The following NALF1 variants were observed in gnomAD, a reference collection of about 807,000 sequenced individuals.
The protein encoded by NALF1 is family with sequence similarity 155 member A.
Under a neutral mutation model 48.4 loss-of-function variants are expected in NALF1, and 3 were observed. That is an observed-to-expected ratio of 0.06 (90% CI 0.03 to 0.16). The LOEUF (loss-of-function observed/expected upper bound fraction) is 0.16. NALF1 is among the 10% of genes least tolerant of loss of function. NALF1 has a pLI of 1.00. For missense variants in NALF1, 526 were observed against 571.5 expected, an observed-to-expected ratio of 0.92 and a Z score of 0.81; for synonymous variants, 262 against 245.7, an observed-to-expected ratio of 1.07 and a Z score of -0.62.
chr13:107,455,134 C>T (rs757910362), intron 1 of NALF1, among the ~76,000 whole-genome samples: 2 of 152,256 alleles, frequency 1.3e-5, no homozygotes, highest in Middle Eastern at 6.8e-3. Flanking sequence ...GCATATCTCT[C>T]TCACCTGCTG....
chr13:107,598,716 T>C (rs187184246), intron 1 of NALF1, among the ~76,000 whole-genome samples: 24 of 152,316 alleles, frequency 1.6e-4, no homozygotes, highest in Non-Finnish European at 1.2e-4. Flanking sequence ...TTTCTTCGTG[T>C]CATTTCATGG....
At position 107,760,018 on chromosome 13, in the gene NALF1, C is replaced by CA. The variant is rs765664693; in HGVS notation, c.915+105663dup. Among the ~76,000 whole-genome samples the CA allele has an allele frequency of 1.3e-4, 20 of 152,072 alleles. 1 individual carries two copies. The South Asian group carries it at 3.9e-3, about 30-fold the overall frequency. On this transcript the variant is annotated intron_variant, in intron 1 of 2. Transcript: ENST00000375915. ...ATAATCTGTAATTCTACCAAAATAC[C>CA]AAATTAGTTTTCATTCCAATATACA...
intron 1 of NALF1, among the ~76,000 whole-genome samples, chr13:107,359,057 C>A (rs1316474451): frequency 6.6e-6 from 1 of 152,112 alleles, no homozygotes; most frequent in Non-Finnish European, 1.5e-5. Flanking sequence ...TCATTCCAGG[C>A]CAGCTGGTCC....
At position 107,170,270 on chromosome 13, in the gene NALF1, G is replaced by A; in HGVS notation, c.*227C>T. 1 of 464,414 alleles carries A rather than the reference G, an allele frequency of 2.2e-6. No individual in the cohort carries two copies. Among genetic ancestry groups the A allele is most frequent in the Non-Finnish European group, 3.8e-6 (1 of 262,694 alleles). The allele number at this position is 464,414 out of a possible 1,614,324, so 28.8% of individuals were successfully genotyped here. On this transcript the variant is annotated 3_prime_UTR_variant, in exon 3 of 3. Transcript: ENST00000375915. ...TAAAACCTCCAAACATTAAAACACA[G>A]TGTATAAAATGGTGTGAGAAATTTA...
At chr13:107,534,159 C>T (rs1566381591) in intron 1 of NALF1, among the ~76,000 whole-genome samples, 1 of 152,046 alleles carries the variant, frequency 6.6e-6, no homozygotes, top group Non-Finnish European at 1.5e-5. Flanking sequence ...CTCCCCAGAC[C>T]TATGAAATCA....
intron 1 of NALF1, among the ~76,000 whole-genome samples, chr13:107,412,559 T>C (rs982738258): frequency 6.6e-6 from 1 of 152,190 alleles, no homozygotes. Flanking sequence ...TCATGAAGAA[T>C]GATAGTAGTA....
chr13:107,234,740 A>G (rs924127923), intron 1 of NALF1, among the ~76,000 whole-genome samples: 5 of 152,232 alleles, frequency 3.3e-5, no homozygotes, highest in African/African-American at 1.2e-4. Context: ...CAAAAAACCA[A>G]GAGCATTTTC....
intron 1 of NALF1, among the ~76,000 whole-genome samples, chr13:107,522,144 A>G (rs967121167): frequency 2.6e-5 from 4 of 152,180 alleles, no homozygotes; most frequent in Admixed American, 6.5e-5. Flanking sequence ...ATTGAAGGAG[A>G]AAATAATGGA....
At chr13:107,840,008 G>C (rs1880001507) in intron 1 of NALF1, among the ~76,000 whole-genome samples, 1 of 152,156 alleles carries the variant, frequency 6.6e-6, no homozygotes, top group South Asian at 2.1e-4. Flanking sequence ...TCTACAAGTT[G>C]ATCCTATACA....
intron 1 of NALF1, among the ~76,000 whole-genome samples, chr13:107,561,266 T>C (rs894241459): frequency 3.3e-5 from 5 of 152,210 alleles, no homozygotes; most frequent in Admixed American, 2.6e-4. Context: ...CAGGCTCACA[T>C]GTTGTACTTA....
intron 1 of NALF1, among the ~76,000 whole-genome samples, chr13:107,739,191 A>G (rs1260757602): frequency 6.6e-6 from 1 of 152,016 alleles, no homozygotes; most frequent in African/African-American, 2.4e-5. Flanking sequence ...GAGAGCATCG[A>G]GACAAATATC....
chr13:107,724,026 C>A (rs1222208355), intron 1 of NALF1, among the ~76,000 whole-genome samples: 1 of 152,032 alleles, frequency 6.6e-6, no homozygotes, highest in African/African-American at 2.4e-5. Flanking sequence ...ATAAGGGATT[C>A]ATCTTTTCAC....
chr13:107,423,519 A>C (rs1194417571), intron 1 of NALF1, among the ~76,000 whole-genome samples: 1 of 152,176 alleles, frequency 6.6e-6, no homozygotes, highest in Non-Finnish European at 1.5e-5. Context: ...TCCCAAAAGA[A>C]GCCTTCCTTA....
At chr13:107,755,476 T>G (rs1378692666) in intron 1 of NALF1, among the ~76,000 whole-genome samples, 1 of 151,704 alleles carries the variant, frequency 6.6e-6, no homozygotes, top group Non-Finnish European at 1.5e-5. Flanking sequence ...CAAAATGTCT[T>G]TTTCATGAGT....
chr13:107,552,261 T>C (rs776054374), intron 1 of NALF1, among the ~76,000 whole-genome samples: 5 of 152,184 alleles, frequency 3.3e-5, no homozygotes, highest in Admixed American at 6.5e-5. Context: ...CCCAGGTCAT[T>C]GCCTGCTACA....
intron 2 of NALF1, among the ~76,000 whole-genome samples, chr13:107,192,306 G>A (rs1879300263): frequency 1.3e-5 from 2 of 152,182 alleles, no homozygotes; most frequent in Admixed American, 1.3e-4. Flanking sequence ...AACATGCACT[G>A]ACACACAGAT....
chr13:107,814,954 A>G (rs1350974313), intron 1 of NALF1, among the ~76,000 whole-genome samples: 1 of 152,134 alleles, frequency 6.6e-6, no homozygotes, highest in African/African-American at 2.4e-5. Flanking sequence ...TAAATATAAA[A>G]TGTTGGAAGT....
rs553943909 is a variant in NALF1, at chr13:107,169,788, G to T, written c.*709C>A. On this transcript the variant is annotated 3_prime_UTR_variant, in exon 3 of 3. Coordinates refer to ENST00000375915, the MANE Select transcript of NALF1 (RefSeq NM_001080396.3). ...CTCTGTTTCTGGTTTGTGCAACAGG[G>T]GCTCAGAGGCCCACCAAGCGTGCAC... The T allele has an allele frequency of 2.0e-5, 3 of 152,716 alleles. No individual in the cohort carries two copies. Among genetic ancestry groups the T allele is most frequent in the East Asian group, 3.9e-4 (2 of 5,162 alleles). The allele number at this position is 152,716 out of a possible 1,614,324, so 9.5% of individuals were successfully genotyped here. A position where few individuals can be genotyped will look rare whatever the true frequency, so the allele number is the denominator to read the frequency against.
intron 1 of NALF1, among the ~76,000 whole-genome samples, chr13:107,736,393 T>C (rs2138540349): frequency 6.6e-6 from 1 of 152,302 alleles, no homozygotes; most frequent in Non-Finnish European, 1.5e-5. Flanking sequence ...ATTACACCCC[T>C]GTTGCTGCTG....
Sources: gnomAD v4.1 joint callset for allele counts (sites outside exome capture counted in the v4.1 genomes callset) on GRCh38, gnomAD v4.1.1 for gene constraint, MANE v1.5 for transcripts, NCBI Gene and HGNC (gene_info 2026-07-23, HGNC 2026-07-21) for gene names.